Variants in ELL observed in about 807,000 individuals in gnomAD.
ELL encodes the protein elongation factor for RNA polymerase II, also known as RNA polymerase II elongation factor ELL.
ELL carries 18 observed loss-of-function variants against 64.0 expected under a neutral mutation model. That is an observed-to-expected ratio of 0.28 (90% CI 0.19 to 0.42). The LOEUF (loss-of-function observed/expected upper bound fraction) is 0.42. Ranked by LOEUF, ELL falls within the 10% of genes least tolerant of loss-of-function variation. The probability of loss-of-function intolerance (pLI) is 1.00; values close to 1 mark genes in which losing one functional copy is unlikely to be tolerated. For synonymous variants in ELL, 399 were observed against 376.2 expected, an observed-to-expected ratio of 1.06 and a Z score of -0.70; for missense variants, 797 against 870.4, an observed-to-expected ratio of 0.92 and a Z score of 1.06.
At chr19:18,448,119 G>A (rs1974454869) in intron 8 of ELL, among the ~76,000 whole-genome samples, 1 of 149,860 alleles carries the variant, frequency 6.7e-6, no homozygotes, top group Admixed American at 6.7e-5. Flanking sequence ...TTTTAGTAGA[G>A]ATGAGGAGGC....
intron 1 of ELL, among the ~76,000 whole-genome samples, chr19:18,508,009 T>C (rs999401200): frequency 6.6e-6 from 1 of 152,166 alleles, no homozygotes; most frequent in Non-Finnish European, 1.5e-5. Flanking sequence ...GTGTTTTGTT[T>C]CAAAGGTCAC....
intron 1 of ELL, 114 bp from the exon 2 acceptor site, chr19:18,472,996 A>G: frequency 7.9e-7 from 1 of 1,267,378 alleles, no homozygotes; most frequent in Non-Finnish European, 1.1e-6. Flanking sequence ...TGGTGTTCTC[A>G]GGAGAGGGGA....
At chr19:18,478,588 C>A (rs1034541530) in intron 1 of ELL, among the ~76,000 whole-genome samples, 6 of 152,226 alleles carry the variant, frequency 3.9e-5, no homozygotes, top group Admixed American at 2.0e-4. Flanking sequence ...CGCTGCTGTA[C>A]TTCAGGCCAG....
rs34610795 is a variant in ELL at position 18,463,325 on chromosome 19, C to CTTT, written c.470-1476_470-1474dup. Among the ~76,000 whole-genome samples the CTTT allele has an allele frequency of 1.1e-3, 82 of 73,276 alleles. 3 individuals are homozygous for CTTT. The highest frequency in any genetic ancestry group is 3.6e-3 in the African/African-American group (43 of 11,798). The allele number at this position is 73,276 out of a possible 152,430, so 48.1% of individuals were successfully genotyped here. A position where few individuals can be genotyped will look rare whatever the true frequency, so the allele number is the denominator to read the frequency against. ...GACAGAGGAACACGCACATTCACATCTTTTTTTTTTTTTTTTTTTTTTTTT... is the reference window on the plus strand; with the variant it reads ...GACAGAGGAACACGCACATTCACATCTTTTTTTTTTTTTTTTTTTTTTTTTTTT... On this transcript the variant is annotated intron_variant, in intron 4 of 11. Coordinates refer to ENST00000262809, the MANE Select transcript of ELL (RefSeq NM_006532.4).
chr19:18,473,177 G>A, intron 1 of ELL: 1 of 651,590 alleles, frequency 1.5e-6, no homozygotes, highest in South Asian at 1.5e-5. Context: ...GCAGGGGCGG[G>A]GAGTGTGCCA....
chr19:18,482,306 T>TC (rs1323971829), intron 1 of ELL, among the ~76,000 whole-genome samples: 1 of 136,946 alleles, frequency 7.3e-6, no homozygotes, highest in Non-Finnish European at 1.5e-5. Context: ...GTCTTTTCAT[T>TC]CCTTTTTTTT....
Position 18,458,237 on chromosome 19 carries a change from C to G in ELL, c.837G>C (p.Gly279=). The change falls in exon 6 of 12, where the codon GGG becomes GGC. Residue 279 remains glycine (G), a synonymous_variant. Transcript: ENST00000262809. Reference sequence around the variant, plus strand: ...GCACCCGCTTCAGCAGCTGCTGGTCCCCCTCCGAGTAGCCAGGCCAGTCCT... The same window carrying G: ...GCACCCGCTTCAGCAGCTGCTGGTCGCCCTCCGAGTAGCCAGGCCAGTCCT... The part of the protein sequence containing the change: ...VQKDWPGYSE[G]DQQLLKRVLV... The G allele has an allele frequency of 6.2e-7, 1 of 1,612,074 alleles. No individual in the cohort carries two copies. The highest frequency in any genetic ancestry group is 8.5e-7 in the Non-Finnish European group (1 of 1,180,024).
intron 6 of ELL, 43 bp from the exon 7 acceptor site, chr19:18,451,691 G>A (rs1239406350): frequency 2.8e-6 from 4 of 1,446,458 alleles, no homozygotes; most frequent in African/African-American, 1.5e-5. Context: ...TGCTGAGGGG[G>A]CCTAGGGGCC....
intron 8 of ELL, 46 bp downstream of exon 8, chr19:18,450,431 G>A: frequency 6.3e-7 from 1 of 1,588,756 alleles, no homozygotes; most frequent in African/African-American, 1.3e-5. Context: ...CGGGTGTGGG[G>A]CCAGTACTTA....
chr19:18,456,053 C>T (rs1010422061), intron 6 of ELL, among the ~76,000 whole-genome samples: 4 of 151,266 alleles, frequency 2.6e-5, no homozygotes, highest in Middle Eastern at 3.4e-3. Flanking sequence ...GCCGAGATCG[C>T]GCCATTGCAC....
intron 1 of ELL, among the ~76,000 whole-genome samples, chr19:18,512,951 G>A (rs7247603): frequency 0.026 from 3,962 of 152,256 alleles, 107 homozygotes; most frequent in African/African-American, 0.072. Context: ...AAAAGGACAC[G>A]GGGCGCAACA....
rs1974539274 is a variant in ELL at position 18,451,586 on chromosome 19, G to A, written c.932C>T (p.Pro311Leu). Residue 311 changes from proline to leucine, a missense_variant, in exon 7 of 12, where the codon CCA becomes CTA. Transcript: ENST00000262809. ...CGAGGCCGAGCGCCCACGCTCGCCT[G>A]GGGGGCTGGAGGCAGCAGGGTCTCC... ...LLGDPAASSP[P>L]GERGRSASPP... is the part of the protein sequence containing the mutation. 2 of 1,496,578 alleles carry A rather than the reference G, an allele frequency of 1.3e-6. No individual in the cohort carries two copies. The highest frequency in any genetic ancestry group is 2.5e-5 in the Admixed American group (1 of 39,362). 92.7% of individuals were successfully genotyped at this position (1,496,578 alleles called of 1,614,324 possible). A position where few individuals can be genotyped will look rare whatever the true frequency, so the allele number is the denominator to read the frequency against.
At chr19:18,489,462 G>A (rs918127543) in intron 1 of ELL, among the ~76,000 whole-genome samples, 1 of 152,250 alleles carries the variant, frequency 6.6e-6, no homozygotes, top group Middle Eastern at 3.4e-3. Flanking sequence ...CTGCTGGGAC[G>A]TCAAGAGCCC....
intron 1 of ELL, among the ~76,000 whole-genome samples, chr19:18,490,321 T>G (rs1975501493): frequency 6.6e-6 from 1 of 152,064 alleles, no homozygotes; most frequent in Admixed American, 6.6e-5. Flanking sequence ...GCAGCATGTT[T>G]CCTGAGAGTA....
intron 2 of ELL, among the ~76,000 whole-genome samples, chr19:18,471,857 C>A (rs1975071452): frequency 6.6e-6 from 1 of 152,216 alleles, no homozygotes; most frequent in Admixed American, 6.5e-5. Flanking sequence ...ATGAACCTCT[C>A]TCCCAACCAA....
intron 1 of ELL, among the ~76,000 whole-genome samples, chr19:18,482,343 G>A (rs7259135): frequency 0.29 from 32,443 of 112,626 alleles, 6,121 homozygotes; most frequent in African/African-American, 0.59. Context: ...TTTTAAACAG[G>A]GTCTCGCCCT....
At chr19:18,486,421 G>C (rs1975418692) in intron 1 of ELL, among the ~76,000 whole-genome samples, 1 of 152,204 alleles carries the variant, frequency 6.6e-6, no homozygotes, top group African/African-American at 2.4e-5. Context: ...CTGTGGATGT[G>C]ACCCAGGTCA....
At chr19:18,512,152 C>CT (rs1424660564) in intron 1 of ELL, among the ~76,000 whole-genome samples, 9 of 131,612 alleles carry the variant, frequency 6.8e-5, no homozygotes, top group African/African-American at 2.7e-4. Flanking sequence ...AAGACTCCGT[C>CT]TCAAAAAAAA....
At chr19:18,500,159 G>C (rs1975751374) in intron 1 of ELL, among the ~76,000 whole-genome samples, 1 of 152,026 alleles carries the variant, frequency 6.6e-6, no homozygotes, top group African/African-American at 2.4e-5. Context: ...CTACTCAGGG[G>C]GCTGAGGCAG....
Sources: allele counts gnomAD v4.1 joint callset (sites outside exome capture counted in the v4.1 genomes callset), GRCh38; gene constraint gnomAD v4.1.1; transcripts MANE v1.5; gene names NCBI Gene and HGNC (gene_info 2026-07-23, HGNC 2026-07-21).